CRB1: variants seen among roughly 807,000 people sequenced by gnomAD.
CRB1 encodes protein crumbs homolog 1.
Under a neutral mutation model 120.0 loss-of-function variants are expected in CRB1, and 83 were observed. That is an observed-to-expected ratio of 0.69 (90% CI 0.58 to 0.83). The LOEUF (loss-of-function observed/expected upper bound fraction) is 0.83, where lower values mean the gene tolerates loss of function less well. CRB1 is among the 40% of genes least tolerant of loss of function. The pLI is 0.00. For missense variants in CRB1, 1,699 were observed against 1,687.6 expected (o/e 1.01, Z -0.12); for synonymous variants, 625 against 612.5 (o/e 1.02, Z -0.30).
chr1:197,231,927 G>A, the CRB1 span, among the ~76,000 whole-genome samples: 2 of 152,172 alleles, frequency 1.3e-5, no homozygotes, highest in Non-Finnish European at 2.9e-5. Context: ...ACCTGTGAAT[G>A]TGTAACCTTC....
chr1:197,347,224 G>A, intron 3 of CRB1, 116 bp from the exon 4 acceptor site: 2 of 880,786 alleles, frequency 2.3e-6, no homozygotes, highest in South Asian at 2.7e-5. Flanking sequence ...CAGAGTTTTT[G>A]AGGTAGTAAG....
intron 2 of CRB1, among the ~76,000 whole-genome samples, chr1:197,339,446 C>T (rs986536040): frequency 2.0e-5 from 3 of 151,986 alleles, no homozygotes; most frequent in Admixed American, 6.6e-5. Flanking sequence ...AATTATTATT[C>T]AAAAGAAAAA....
intron 11 of CRB1, among the ~76,000 whole-genome samples, chr1:197,471,692 C>T (rs1438722013): frequency 6.6e-6 from 1 of 152,162 alleles, no homozygotes; most frequent in Non-Finnish European, 1.5e-5. Context: ...CCCCTTATGA[C>T]TGTAAAGTGG....
chr1:197,368,276 T>C (rs773884478), intron 5 of CRB1, among the ~76,000 whole-genome samples: 1 of 152,210 alleles, frequency 6.6e-6, no homozygotes, highest in Non-Finnish European at 1.5e-5. Context: ...AGATATTTGA[T>C]ATGCATAAAT....
At chr1:197,406,475 G>A (rs1434427486) in intron 5 of CRB1, among the ~76,000 whole-genome samples, 2 of 152,100 alleles carry the variant, frequency 1.3e-5, no homozygotes, top group Non-Finnish European at 2.9e-5. Context: ...GAAAACCAGA[G>A]ACCTTTGTTC....
At chr1:197,401,970 T>A (rs1177669506) in intron 5 of CRB1, among the ~76,000 whole-genome samples, 3 of 151,996 alleles carry the variant, frequency 2.0e-5, no homozygotes, top group Non-Finnish European at 4.4e-5. Context: ...TATTTTAATA[T>A]AAATTAATAT....
chr1:197,346,373 G>A (rs890538343), intron 3 of CRB1, among the ~76,000 whole-genome samples: 1 of 151,942 alleles, frequency 6.6e-6, no homozygotes, highest in Non-Finnish European at 1.5e-5. Flanking sequence ...TAGTCAGCCA[G>A]CCAAGCCCTT....
intron 5 of CRB1, among the ~76,000 whole-genome samples, chr1:197,411,940 A>G (rs1276101513): frequency 6.6e-6 from 1 of 152,170 alleles, no homozygotes; most frequent in Non-Finnish European, 1.5e-5. Context: ...CTAAAGGTAC[A>G]TCTCTTTGTT....
intron 6 of CRB1, among the ~76,000 whole-genome samples, chr1:197,426,949 TC>T (rs1437678483): frequency 6.6e-6 from 1 of 152,196 alleles, no homozygotes; most frequent in Non-Finnish European, 1.5e-5. Flanking sequence ...CTAAAAAATT[TC>T]TTTACAAAGA....
At chr1:197,357,303 A>T (rs1265875250) in intron 5 of CRB1, 1 of 443,616 alleles carries the variant, frequency 2.3e-6, no homozygotes, top group Non-Finnish European at 4.1e-6. Flanking sequence ...ACACACAGAA[A>T]ATGTTGAAAT....
At chr1:197,470,202 G>T (rs1021240365) in intron 11 of CRB1, among the ~76,000 whole-genome samples, 3 of 152,132 alleles carry the variant, frequency 2.0e-5, no homozygotes, top group African/African-American at 4.8e-5. Context: ...AAACAATTGG[G>T]AACAAGGAAG....
At chr1:197,352,321 A>G (rs10922201) in intron 4 of CRB1, among the ~76,000 whole-genome samples, 11,097 of 152,280 alleles carry the variant, frequency 0.073, 503 homozygotes, top group Non-Finnish European at 0.098. Flanking sequence ...AAGACTATAA[A>G]TCAGAATCTT....
chr1:197,210,893 A>T, the CRB1 span, among the ~76,000 whole-genome samples: 1 of 152,154 alleles, frequency 6.6e-6, no homozygotes, highest in African/African-American at 2.4e-5. Context: ...CATGGCCTTA[A>T]CATCTTTAAC....
chr1:197,405,909 G>A (rs1430556774), intron 5 of CRB1, among the ~76,000 whole-genome samples: 2 of 151,678 alleles, frequency 1.3e-5, no homozygotes, highest in Non-Finnish European at 2.9e-5. Flanking sequence ...AGGAGGTGGG[G>A]GTCAGCCCCC....
At chr1:197,209,152 C>T in the CRB1 span, among the ~76,000 whole-genome samples, 1 of 152,180 alleles carries the variant, frequency 6.6e-6, no homozygotes. Flanking sequence ...TACTAGCCTC[C>T]CAACTGAGAA....
intron 11 of CRB1, among the ~76,000 whole-genome samples, chr1:197,446,472 G>A (rs954065212): frequency 6.6e-6 from 1 of 152,140 alleles, no homozygotes. Context: ...TGGGGCTGTC[G>A]AAAGAAGCAG....
chr1:197,390,995 C>A (rs78179458), intron 5 of CRB1, among the ~76,000 whole-genome samples: 8,394 of 152,062 alleles, frequency 0.055, 739 homozygotes, highest in African/African-American at 0.19. Context: ...GAAATACTTT[C>A]TCAAGAAACT....
At chr1:197,440,682 A>C (rs975236871) in intron 10 of CRB1, 11 of 152,278 alleles carry the variant, frequency 7.2e-5, no homozygotes, top group Non-Finnish European at 1.2e-4. Context: ...ATAGTGGGCT[A>C]TCTCCCATGG....
the CRB1 span, among the ~76,000 whole-genome samples, chr1:197,213,799 A>C: frequency 1.3e-5 from 2 of 152,174 alleles, no homozygotes; most frequent in Non-Finnish European, 2.9e-5. Flanking sequence ...TCAAAAAAGA[A>C]AAGTCAAAAG....
Sources: allele counts gnomAD v4.1 joint callset (sites outside exome capture counted in the v4.1 genomes callset), GRCh38; gene constraint gnomAD v4.1.1; transcripts MANE v1.5; gene names NCBI Gene and HGNC (gene_info 2026-07-23, HGNC 2026-07-21).